The following TBC1D8 variants were observed in gnomAD, a reference collection of about 807,000 sequenced individuals.
TBC1D8 encodes TBC1 domain family member 8, also known as BUB2-like protein 1.
TBC1D8 carries 65 observed loss-of-function variants against 118.8 expected under a neutral mutation model. That is an observed-to-expected ratio of 0.55 (90% confidence interval 0.45 to 0.67). The LOEUF is 0.67. TBC1D8 is among the 30% of genes least tolerant of loss of function. TBC1D8 has a pLI of 0.00. For synonymous variants in TBC1D8, 566 were observed against 595.8 expected, an observed-to-expected ratio of 0.95 and a Z score of 0.73; for missense variants, 1,376 against 1,471.2, an observed-to-expected ratio of 0.94 and a Z score of 1.06.
chr2:101,008,845 G>A (rs559260110), intron 19 of TBC1D8, among the ~76,000 whole-genome samples: 8 of 152,118 alleles, frequency 5.3e-5, no homozygotes, highest in South Asian at 4.1e-4. Flanking sequence ...GCAACGTACA[G>A]ATTTATCTGT....
At chr2:101,078,152 C>T (rs143437865) in intron 2 of TBC1D8, among the ~76,000 whole-genome samples, 11 of 152,280 alleles carry the variant, frequency 7.2e-5, no homozygotes, top group African/African-American at 2.2e-4. Flanking sequence ...CCCTAGCCTC[C>T]GAATTTTCAG....
At chr2:101,035,873 G>T in intron 9 of TBC1D8, 145 bp downstream of exon 9, 1 of 992,056 alleles carries the variant, frequency 1.0e-6, no homozygotes, top group Non-Finnish European at 1.5e-6. Context: ...ACAGGGAGTG[G>T]AAGTCCTCAG....
chr2:101,023,624 GT>G (rs538760976), intron 15 of TBC1D8: 315 of 398,594 alleles, frequency 7.9e-4, no homozygotes, highest in South Asian at 1.9e-3. Flanking sequence ...TTTTTTTTAA[GT>G]TTTTTTTTTA....
At chr2:101,128,668 G>C (rs1472322922) in intron 1 of TBC1D8, among the ~76,000 whole-genome samples, 1 of 152,182 alleles carries the variant, frequency 6.6e-6, no homozygotes, top group Non-Finnish European at 1.5e-5. Flanking sequence ...ATTTGCAATA[G>C]CCAAAAGGCG....
intron 5 of TBC1D8, among the ~76,000 whole-genome samples, chr2:101,049,233 A>C (rs987133426): frequency 6.6e-6 from 1 of 152,248 alleles, no homozygotes; most frequent in South Asian, 2.1e-4. Flanking sequence ...TTTGGATAAT[A>C]AAGTTGAACT....
chr2:101,081,604 C>G (rs368768090), intron 2 of TBC1D8, among the ~76,000 whole-genome samples: 16 of 152,344 alleles, frequency 1.1e-4, no homozygotes, highest in African/African-American at 3.6e-4. Context: ...GGAGGACCCC[C>G]ACCCTGGCTG....
At chr2:101,132,403 C>T (rs1262698315) in intron 1 of TBC1D8, among the ~76,000 whole-genome samples, 1 of 152,180 alleles carries the variant, frequency 6.6e-6, no homozygotes, top group Non-Finnish European at 1.5e-5. Flanking sequence ...CAGGTGACCC[C>T]ATGATGTCTT....
At chr2:101,142,167 G>C (rs1325742332) in intron 1 of TBC1D8, among the ~76,000 whole-genome samples, 1 of 152,124 alleles carries the variant, frequency 6.6e-6, no homozygotes, top group Non-Finnish European at 1.5e-5. Flanking sequence ...CTCCCAAGTA[G>C]ATGGGATTAT....
At chr2:101,017,400 TTATACAACGGCA>T (rs1679735130) in intron 17 of TBC1D8, among the ~76,000 whole-genome samples, 1 of 152,230 alleles carries the variant, frequency 6.6e-6, no homozygotes, top group Non-Finnish European at 1.5e-5. Flanking sequence ...TGCTATACTT[TTATACAACGGCA>T]ATAGAGTTGT....
chr2:101,101,855 T>C (rs1043407408), intron 1 of TBC1D8, among the ~76,000 whole-genome samples: 3 of 151,680 alleles, frequency 2.0e-5, no homozygotes, highest in Non-Finnish European at 4.4e-5. Flanking sequence ...TGAGAACACA[T>C]GGACACAGAG....
intron 1 of TBC1D8, among the ~76,000 whole-genome samples, chr2:101,093,424 T>C (rs1434362983): frequency 6.6e-6 from 1 of 152,166 alleles, no homozygotes; most frequent in Non-Finnish European, 1.5e-5. Flanking sequence ...CATTTTCATA[T>C]ATATCTACAT....
intron 2 of TBC1D8, among the ~76,000 whole-genome samples, chr2:101,087,776 CTAA>C (rs1054028261): frequency 5.9e-5 from 9 of 151,552 alleles, no homozygotes; most frequent in African/African-American, 1.9e-4. Flanking sequence ...CAATGTAAAA[CTAA>C]TAATAAAACT....
At chr2:101,024,397 CTG>C (rs1680214935) in intron 15 of TBC1D8, among the ~76,000 whole-genome samples, 1 of 133,346 alleles carries the variant, frequency 7.5e-6, no homozygotes, top group African/African-American at 2.9e-5. Context: ...ATCAGTGGGA[CTG>C]TAATTTTTTT....
chr2:101,064,647 C>CA (rs1682928434), intron 2 of TBC1D8, among the ~76,000 whole-genome samples: 1 of 152,182 alleles, frequency 6.6e-6, no homozygotes. Flanking sequence ...AGTCAAAAGT[C>CA]AGAGTTATAA....
intron 1 of TBC1D8, among the ~76,000 whole-genome samples, chr2:101,114,033 C>T (rs1473041174): frequency 6.6e-6 from 1 of 152,172 alleles, no homozygotes; most frequent in Non-Finnish European, 1.5e-5. Flanking sequence ...ATTAATCTTC[C>T]CCTAGGGGAA....
chr2:101,115,670 G>A (rs1677787200), intron 1 of TBC1D8, among the ~76,000 whole-genome samples: 1 of 152,094 alleles, frequency 6.6e-6, no homozygotes, highest in African/African-American at 2.4e-5. Flanking sequence ...AGAACTGCTT[G>A]AACCCAGGAG....
At chr2:101,068,356 C>G (rs1683129948) in intron 2 of TBC1D8, 1 of 243,518 alleles carries the variant, frequency 4.1e-6, no homozygotes, top group Non-Finnish European at 7.8e-6. Flanking sequence ...AACTCTCGGT[C>G]TTCTTGGTAA....
intron 2 of TBC1D8, among the ~76,000 whole-genome samples, chr2:101,084,210 A>C (rs933424225): frequency 9.2e-5 from 14 of 152,210 alleles, no homozygotes; most frequent in African/African-American, 3.4e-4. Context: ...AAGCTGGCAC[A>C]AACGTCATGG....
chr2:101,084,942 G>A (rs1675511583), intron 2 of TBC1D8, among the ~76,000 whole-genome samples: 1 of 149,410 alleles, frequency 6.7e-6, no homozygotes, highest in South Asian at 2.1e-4. Flanking sequence ...TCCGCCTCCT[G>A]GGTTCACGCC....
Sources: allele counts gnomAD v4.1 joint callset (sites outside exome capture counted in the v4.1 genomes callset), GRCh38; gene constraint gnomAD v4.1.1; transcripts MANE v1.5; gene names NCBI Gene and HGNC (gene_info 2026-07-23, HGNC 2026-07-21).